Variants in VPS39 observed in about 807,000 individuals in gnomAD.
The protein encoded by VPS39 is vam6/Vps39-like protein.
Under a neutral mutation model 121.0 loss-of-function variants are expected in VPS39, and 70 were observed. The ratio of observed to expected loss-of-function variants is 0.58; its 90% CI spans 0.48 to 0.71. The LOEUF is 0.71. Among genes scored for constraint, VPS39 ranks in the 30% least tolerant of loss-of-function variants. The pLI is 0.00. For synonymous variants in VPS39, 378 were observed against 398.1 expected (o/e 0.95, Z 0.60); for missense variants, 818 against 1,051.5 (o/e 0.78, Z 3.07).
intron 1 of VPS39, among the ~76,000 whole-genome samples, chr15:42,206,279 G>C (rs1012757759): frequency 6.6e-6 from 1 of 152,166 alleles, no homozygotes; most frequent in South Asian, 2.1e-4. Flanking sequence ...AGTTAAAAAG[G>C]GGTAATGACT....
At chr15:42,207,470 G>T (rs563127898) in intron 1 of VPS39, among the ~76,000 whole-genome samples, 3 of 152,134 alleles carry the variant, frequency 2.0e-5, no homozygotes, top group African/African-American at 7.2e-5. Flanking sequence ...TTATGGGTTA[G>T]GTTTCAAGAC....
chr15:42,177,337 C>T (rs1021651657), intron 10 of VPS39, among the ~76,000 whole-genome samples: 8 of 152,106 alleles, frequency 5.3e-5, no homozygotes, highest in East Asian at 1.9e-4. Flanking sequence ...AAGAACAAGA[C>T]ACAGACTCTG....
At position 42,167,378 on chromosome 15, in the gene VPS39, C is replaced by T. The variant is rs200457453; in HGVS notation, c.1377+16G>A. 1.2e-3 allele frequency: 1,959 copies of T among 1,613,432 alleles called. 2 individuals are homozygous for T. The highest frequency in any genetic ancestry group is 1.6e-3 in the Non-Finnish European group (1,868 of 1,179,632). On this transcript the variant is annotated intron_variant, in intron 13 of 24. Transcript: ENST00000318006. Reference sequence around the variant, plus strand: ...GTAACTGGGAATTGTGGCACCCGAGCGCTCAGGTAACTCACATGGAGATAG... The same window carrying T: ...GTAACTGGGAATTGTGGCACCCGAGTGCTCAGGTAACTCACATGGAGATAG...
chr15:42,163,428 G>A (rs2049178384), intron 20 of VPS39, 33 bp from the exon 21 acceptor site: 1 of 1,613,734 alleles, frequency 6.2e-7, no homozygotes, highest in Non-Finnish European at 8.5e-7. Flanking sequence ...AGCAGGTGGT[G>A]TGAGGGGGGC....
chr15:42,164,301 A>G (rs2049197107), intron 19 of VPS39, 57 bp downstream of exon 19: 2 of 1,603,680 alleles, frequency 1.2e-6, no homozygotes, highest in Non-Finnish European at 8.5e-7. Flanking sequence ...AAAGGGGTGG[A>G]TTAGTCTTTG....
intron 24 of VPS39, 111 bp downstream of exon 24, chr15:42,161,571 A>G: frequency 1.8e-6 from 2 of 1,108,124 alleles, no homozygotes; most frequent in Non-Finnish European, 2.8e-6. Flanking sequence ...CAGGACAGCC[A>G]GCAGCCATGT....
intron 18 of VPS39, 131 bp downstream of exon 18, chr15:42,164,865 G>A (rs1012258900): frequency 1.4e-6 from 2 of 1,474,024 alleles, no homozygotes; most frequent in African/African-American, 2.8e-5. Flanking sequence ...AGCTCCCCTG[G>A]CTCCTCTTCA....
rs181054988 is a variant in VPS39 at position 42,167,264 on chromosome 15, A to G, written c.1377+130T>C. On this transcript the variant is annotated intron_variant, in intron 13 of 24. Transcript: ENST00000318006. ...GACTCACAGACATCAGGAGAAGTCT[A>G]TATGGTTTCCAGAATCAAAGACTTC... is the stretch of plus-strand genomic sequence containing the variant. 7.3e-5 allele frequency: 88 copies of G among 1,208,652 alleles called. No individual in the cohort carries two copies. In the African/African-American group the frequency reaches 1.3e-3, roughly 18 times the overall value. 74.9% of individuals were successfully genotyped at this position (1,208,652 alleles called of 1,614,324 possible).
chr15:42,183,960 G>A (rs1194176570), intron 8 of VPS39, among the ~76,000 whole-genome samples: 4 of 148,714 alleles, frequency 2.7e-5, no homozygotes, highest in Non-Finnish European at 4.4e-5. Flanking sequence ...TGGAGAGCTG[G>A]GAACCTGAAG....
intron 8 of VPS39, among the ~76,000 whole-genome samples, chr15:42,180,957 G>A (rs1259029108): frequency 6.6e-6 from 1 of 152,112 alleles, no homozygotes; most frequent in African/African-American, 2.4e-5. Context: ...AAAACAGTAT[G>A]GTGGTTCCTC....
At chr15:42,177,442 C>T (rs1381176588) in intron 10 of VPS39, among the ~76,000 whole-genome samples, 2 of 152,048 alleles carry the variant, frequency 1.3e-5, no homozygotes, top group Non-Finnish European at 2.9e-5. Context: ...AGACTGCCGC[C>T]TGGCTGAATA....
At position 42,161,761 on chromosome 15, in the gene VPS39, G is replaced by C. The variant is rs755452044; in HGVS notation, c.2473C>G (p.Arg825Gly). 6.2e-6 allele frequency: 10 copies of C among 1,613,972 alleles called. No individual in the cohort carries two copies. The highest frequency in any genetic ancestry group is 3.4e-6 in the Non-Finnish European group (4 of 1,180,024). Reference protein sequence around the residue: ...HAEFLRVQEERILHQQVKCII... With the variant: ...HAEFLRVQEEGILHQQVKCII... ...CACTTCACCTGCTGGTGTAAAATCC[G>C]CTCTTCCTGGACCTGGAAGAACAGG... Residue 825 changes from arginine to glycine, a missense_variant, in exon 24 of 25, where the codon CGG (arginine) becomes GGG (glycine). Physicochemically the swap from Arg to Gly is moderately radical, Grantham distance 125 (BLOSUM62 -2). Transcript: ENST00000318006.
chr15:42,176,304 C>T (rs1440603105), intron 10 of VPS39, among the ~76,000 whole-genome samples: 1 of 151,924 alleles, frequency 6.6e-6, no homozygotes, highest in South Asian at 2.1e-4. Flanking sequence ...TACATTACTT[C>T]CATATGTTAA....
At chr15:42,197,075 C>CA (rs1334306229) in intron 2 of VPS39, among the ~76,000 whole-genome samples, 1 of 146,696 alleles carries the variant, frequency 6.8e-6, no homozygotes, top group Non-Finnish European at 1.5e-5. Context: ...ATTGCAAGGA[C>CA]AAAAAAACCA....
In VPS39 at chr15:42,162,096, T is replaced by C. The variant is rs149818706; in HGVS notation, c.2396A>G (p.Glu799Gly). ...ATTGAACCGTTTCTTTTGTGCATTTTCTTCCAAGACCTTTTCCAGGAAGAT... is the reference window on the plus strand; with the variant it reads ...ATTGAACCGTTTCTTTTGTGCATTTCCTTCCAAGACCTTTTCCAGGAAGAT... ...IRIFLEKVLE[E>G]NAQKKRFNQV... The change falls in exon 23 of 25, where the codon GAA becomes GGA. Residue 799 changes from glutamate to glycine, a missense_variant. Physicochemically the swap from Glu to Gly is moderately conservative, Grantham distance 98 (BLOSUM62 -2). Transcript: ENST00000318006. 8.7e-6 allele frequency: 14 copies of C among 1,614,132 alleles called. No individual in the cohort carries two copies. Among genetic ancestry groups the C allele is most frequent in the Non-Finnish European group, 1.1e-5 (13 of 1,180,052 alleles).
intron 11 of VPS39, among the ~76,000 whole-genome samples, chr15:42,172,291 C>A (rs964167005): frequency 6.6e-6 from 1 of 152,148 alleles, no homozygotes; most frequent in East Asian, 1.9e-4. Context: ...GAAGAGAGAC[C>A]CCCTTGGACA....
At chr15:42,178,847 T>A in intron 8 of VPS39, 2 of 344,904 alleles carry the variant, frequency 5.8e-6, no homozygotes, top group Admixed American at 8.1e-5. Flanking sequence ...ACAAAAACAT[T>A]TATTAAAAAA....
At chr15:42,201,238 T>C (rs114386990) in intron 1 of VPS39, among the ~76,000 whole-genome samples, 1,638 of 152,268 alleles carry the variant, frequency 0.011, 31 homozygotes, top group African/African-American at 0.038. Flanking sequence ...AGCAGTGGTG[T>C]GATCATGGCT....
intron 10 of VPS39, among the ~76,000 whole-genome samples, chr15:42,175,186 G>C (rs1403003493): frequency 6.6e-6 from 1 of 152,092 alleles, no homozygotes; most frequent in African/African-American, 2.4e-5. Context: ...GGCTGAAGCG[G>C]GCGGATCATG....
Sources: allele counts gnomAD v4.1 joint callset (sites outside exome capture counted in the v4.1 genomes callset), GRCh38; gene constraint gnomAD v4.1.1; transcripts MANE v1.5; gene names NCBI Gene and HGNC (gene_info 2026-07-23, HGNC 2026-07-21).